Variants in CDYL observed in about 807,000 individuals in gnomAD.
The protein encoded by CDYL is chromodomain Y-like protein.
In CDYL, 8 loss-of-function variants were observed where a neutral mutation model predicts 47.3. The ratio of observed to expected loss-of-function variants is 0.17; its 90% CI spans 0.10 to 0.31. CDYL has a LOEUF of 0.31. Among genes scored for constraint, CDYL ranks in the 10% least tolerant of loss-of-function variants. The probability of loss-of-function intolerance (pLI) is 1.00; values close to 1 mark genes in which losing one functional copy is unlikely to be tolerated. For missense variants in CDYL, 471 were observed against 701.4 expected (o/e 0.67, Z 3.71); for synonymous variants, 266 against 265.0 (o/e 1.00, Z -0.04).
chr6:4,832,042 C>T lies in CDYL; in HGVS notation c.24+55235C>T, dbSNP rs569972377. On this transcript the variant is annotated intron_variant, in intron 1 of 6. Transcript: ENST00000397588. ...GCAAACAGGGACAATTTGACTTCCT[C>T]TTTTCCTAATTGAATACCCTTTATT... 6.4e-3 allele frequency among the ~76,000 whole-genome samples: 969 copies of T among 151,928 alleles called. 8 individuals carry two copies. The highest frequency in any genetic ancestry group is 0.022 in the African/African-American group (912 of 41,362).
chr6:4,863,489 A>G (rs1761233306), intron 1 of CDYL, among the ~76,000 whole-genome samples: 1 of 152,240 alleles, frequency 6.6e-6, no homozygotes, highest in Non-Finnish European at 1.5e-5. Flanking sequence ...CTCAAAAAGA[A>G]TGATCCTTCC....
intron 1 of CDYL, among the ~76,000 whole-genome samples, chr6:4,881,619 T>G (rs1761764284): frequency 6.6e-6 from 1 of 152,236 alleles, no homozygotes; most frequent in Non-Finnish European, 1.5e-5. Flanking sequence ...GTGCTATTGT[T>G]ATATATTTTC....
intron 1 of CDYL, among the ~76,000 whole-genome samples, chr6:4,823,579 C>T (rs1759898257): frequency 6.6e-6 from 1 of 152,134 alleles, no homozygotes; most frequent in Admixed American, 6.5e-5. Flanking sequence ...TAAATTCCCC[C>T]AAACAGAAAC....
At chr6:4,860,455 A>G (rs1325984479) in intron 1 of CDYL, among the ~76,000 whole-genome samples, 1 of 150,680 alleles carries the variant, frequency 6.6e-6, no homozygotes, top group East Asian at 1.9e-4. Flanking sequence ...GCTTGTTAGC[A>G]ATTATATTAG....
chr6:4,935,092 A>T (rs11760194), intron 2 of CDYL, among the ~76,000 whole-genome samples: 311 of 152,338 alleles, frequency 2.0e-3, no homozygotes, highest in Middle Eastern at 6.8e-3. Context: ...TTTATCTTGC[A>T]TTTGGAAAAA....
At chr6:4,788,317 G>A (rs1758813420) in intron 1 of CDYL, among the ~76,000 whole-genome samples, 1 of 151,602 alleles carries the variant, frequency 6.6e-6, no homozygotes, top group South Asian at 2.1e-4. Flanking sequence ...TGGTAAAACC[G>A]CGTTTCTGCT....
chr6:4,745,563 G>A (rs1757878747), intron 3 of CDYL, among the ~76,000 whole-genome samples: 1 of 145,952 alleles, frequency 6.9e-6, no homozygotes, highest in African/African-American at 2.6e-5. Flanking sequence ...CCAACATAGT[G>A]AAACCCCATC....
chr6:4,731,548 G>A (rs1757605474), intron 2 of CDYL, among the ~76,000 whole-genome samples: 2 of 152,136 alleles, frequency 1.3e-5, no homozygotes, highest in African/African-American at 4.8e-5. Context: ...TGTAATCCCA[G>A]CATTTTGGGA....
At position 4,897,889 on chromosome 6, in the gene CDYL, A is replaced by G. The variant is rs543309454; in HGVS notation, c.691+5510A>G. Among the ~76,000 whole-genome samples the G allele has an allele frequency of 5.3e-5, 8 of 150,734 alleles. No individual in the cohort carries two copies. In the East Asian group the frequency reaches 1.2e-3, roughly 22 times the overall value. On this transcript the variant is annotated intron_variant, in intron 2 of 6. Coordinates refer to ENST00000397588, the MANE Select transcript of CDYL (RefSeq NM_004824.4). Reference sequence around the variant, plus strand: ...TGGCTAACAGTGAAACCCTGTCTCTACTAAAAATACAAAAAAAATTAGCCA... The same window carrying G: ...TGGCTAACAGTGAAACCCTGTCTCTGCTAAAAATACAAAAAAAATTAGCCA...
intron 1 of CDYL, among the ~76,000 whole-genome samples, chr6:4,826,418 C>G (rs376847126): frequency 2.0e-5 from 3 of 152,142 alleles, no homozygotes; most frequent in East Asian, 3.9e-4. Flanking sequence ...TCTTCTTTTT[C>G]TAGCTCCTTA....
chr6:4,736,141 G>A (rs1375740834), intron 3 of CDYL, among the ~76,000 whole-genome samples: 1 of 152,188 alleles, frequency 6.6e-6, no homozygotes, highest in Non-Finnish European at 1.5e-5. Flanking sequence ...TTTCTCAAGT[G>A]AAATGATGTA....
chr6:4,744,747 A>G (rs953745910), intron 3 of CDYL, among the ~76,000 whole-genome samples: 4 of 152,220 alleles, frequency 2.6e-5, no homozygotes, highest in African/African-American at 4.8e-5. Flanking sequence ...TTCCAAAGTC[A>G]TAGCAAATAG....
At chr6:4,953,037 G>A (rs1221736222) in intron 6 of CDYL, among the ~76,000 whole-genome samples, 2 of 151,244 alleles carry the variant, frequency 1.3e-5, no homozygotes, top group Admixed American at 6.6e-5. Context: ...CCAAAGTGCT[G>A]GAATTACAGG....
At chr6:4,905,025 G>A (rs1009565937) in intron 2 of CDYL, among the ~76,000 whole-genome samples, 8 of 152,138 alleles carry the variant, frequency 5.3e-5, no homozygotes, top group Non-Finnish European at 8.8e-5. Flanking sequence ...TTAGGATGGC[G>A]ACCACTGCCC....
chr6:4,807,011 C>T (rs746138763), intron 1 of CDYL, among the ~76,000 whole-genome samples: 14 of 152,208 alleles, frequency 9.2e-5, no homozygotes, highest in East Asian at 3.9e-4. Context: ...ATCTCTCTGC[C>T]GTGTCCTCAC....
chr6:4,805,283 C>T (rs927506303), intron 1 of CDYL, among the ~76,000 whole-genome samples: 1 of 152,072 alleles, frequency 6.6e-6, no homozygotes. Flanking sequence ...TTCTGCTCCC[C>T]ATTGGGGGAA....
At chr6:4,783,077 T>A (rs2127431178) in intron 1 of CDYL, among the ~76,000 whole-genome samples, 1 of 152,266 alleles carries the variant, frequency 6.6e-6, no homozygotes, top group South Asian at 2.1e-4. Flanking sequence ...CCTCATCAAA[T>A]AGAACATTAT....
chr6:4,901,810 T>C (rs933348786), intron 2 of CDYL, among the ~76,000 whole-genome samples: 2 of 152,164 alleles, frequency 1.3e-5, no homozygotes, highest in Non-Finnish European at 1.5e-5. Flanking sequence ...ATCTGTTGGC[T>C]CATGAAACTG....
chr6:4,884,138 C>T (rs1761838656), intron 1 of CDYL, among the ~76,000 whole-genome samples: 1 of 152,208 alleles, frequency 6.6e-6, no homozygotes, highest in Non-Finnish European at 1.5e-5. Context: ...CTGTAGATTT[C>T]CTCCTTTGGG....
Sources: gnomAD v4.1 joint callset for allele counts (sites outside exome capture counted in the v4.1 genomes callset) on GRCh38, gnomAD v4.1.1 for gene constraint, MANE v1.5 for transcripts, NCBI Gene and HGNC (gene_info 2026-07-23, HGNC 2026-07-21) for gene names.